Variants in CCDC171 observed in about 807,000 individuals in gnomAD.
CCDC171 encodes the protein coiled-coil domain-containing protein 171.
CCDC171 carries 177 observed loss-of-function variants against 168.2 expected under a neutral mutation model. The observed-to-expected ratio is 1.05, with a 90% CI of 0.93 to 1.19. The LOEUF is 1.19. Ranked by LOEUF, CCDC171 falls within the 50% of genes most tolerant of loss-of-function variation. The probability of loss-of-function intolerance (pLI) is 0.00; values close to 1 mark genes in which losing one functional copy is unlikely to be tolerated. For missense variants in CCDC171, 1,991 were observed against 1,539.0 expected, an observed-to-expected ratio of 1.29 and a Z score of -4.91; for synonymous variants, 687 against 540.8, an observed-to-expected ratio of 1.27 and a Z score of -3.75.
chr9:16,001,626 C>CA (rs1449308507), intron 3 of CCDC171, among the ~76,000 whole-genome samples: 2 of 151,978 alleles, frequency 1.3e-5, no homozygotes, highest in African/African-American at 4.8e-5. Context: ...ATGGTGGTCC[C>CA]ATAAGATTAT....
the CCDC171 span, among the ~76,000 whole-genome samples, chr9:16,088,119 A>G: frequency 6.6e-6 from 1 of 152,210 alleles, no homozygotes; most frequent in African/African-American, 2.4e-5. Context: ...CAATGACAAA[A>G]ACCACATGAT....
chr9:15,922,258 C>T (rs1825428065), intron 25 of CCDC171: 1 of 256,136 alleles, frequency 3.9e-6, no homozygotes, highest in African/African-American at 2.2e-5. Context: ...TGTGTGCTCT[C>T]CTGTCTTTTC....
intron 25 of CCDC171, among the ~76,000 whole-genome samples, chr9:15,934,728 A>G (rs1826917275): frequency 1.3e-5 from 2 of 152,210 alleles, no homozygotes; most frequent in Admixed American, 1.3e-4. Context: ...AGCACTATTT[A>G]CAAAGCCAAA....
At chr9:15,698,234 C>T (rs886225427) in intron 11 of CCDC171, among the ~76,000 whole-genome samples, 3 of 152,080 alleles carry the variant, frequency 2.0e-5, no homozygotes, top group East Asian at 3.9e-4. Context: ...TGAGTAAGAA[C>T]ATAAGGGCCA....
chr9:16,033,793 G>C (rs1281042517), intron 6 of CCDC171, among the ~76,000 whole-genome samples: 2 of 151,292 alleles, frequency 1.3e-5, no homozygotes, highest in African/African-American at 4.9e-5. Flanking sequence ...TAGTCTTCCT[G>C]AGAAAGAGGA....
intron 24 of CCDC171, among the ~76,000 whole-genome samples, chr9:15,905,411 C>T (rs1822415724): frequency 1.3e-5 from 2 of 152,156 alleles, no homozygotes; most frequent in South Asian, 2.1e-4. Flanking sequence ...ACAACCTGCT[C>T]CTGAATGACT....
intron 24 of CCDC171, among the ~76,000 whole-genome samples, chr9:15,913,469 C>T (rs1418355489): frequency 1.3e-5 from 2 of 152,010 alleles, no homozygotes; most frequent in Non-Finnish European, 2.9e-5. Context: ...TTAATCTTTA[C>T]AAAAAAACAG....
chr9:15,810,737 C>G (rs895886812), intron 21 of CCDC171, among the ~76,000 whole-genome samples: 1 of 152,206 alleles, frequency 6.6e-6, no homozygotes, highest in Non-Finnish European at 1.5e-5. Context: ...GGAACTCGCG[C>G]TGCCCTGTGA....
intron 1 of CCDC171, among the ~76,000 whole-genome samples, chr9:15,560,364 C>G (rs551263112): frequency 2.0e-5 from 3 of 152,294 alleles, no homozygotes; most frequent in African/African-American, 7.2e-5. Flanking sequence ...TCAGGTACAC[C>G]AATCAGACGT....
At chr9:15,991,290 C>G (rs1564105723) in intron 3 of CCDC171, among the ~76,000 whole-genome samples, 1 of 152,092 alleles carries the variant, frequency 6.6e-6, no homozygotes, top group East Asian at 1.9e-4. Flanking sequence ...CCAAACCGCT[C>G]AACTACATGG....
Position 15,778,993 on chromosome 9 carries a change from A to C in CCDC171, c.2924A>C (p.Gln975Pro). Reference protein sequence around the residue: ...ITKSTASLQKQILGFTQRLHA... With the variant: ...ITKSTASLQKPILGFTQRLHA... ...AAAAGCACAGCATCGTTGCAGAAGC[A>C]AATACTTGGATTTACACAAAGACTG... is the stretch of plus-strand genomic sequence containing the variant. Residue 975 changes from glutamine (Q) to proline (P), a missense_variant, in exon 20 of 26, where the codon CAA becomes CCA. Gln to Pro is a moderately conservative substitution (Grantham distance 76, BLOSUM62 -1). Transcript: ENST00000380701. 6.5e-7 allele frequency: 1 copy of C among 1,541,062 alleles called. No homozygotes were observed. The highest frequency in any genetic ancestry group is 8.7e-7 in the Non-Finnish European group (1 of 1,146,390).
chr9:15,751,005 T>G (rs574149368), intron 18 of CCDC171, among the ~76,000 whole-genome samples: 1 of 152,332 alleles, frequency 6.6e-6, no homozygotes, highest in African/African-American at 2.4e-5. Flanking sequence ...GCAGGTGAGA[T>G]GATTGTATAT....
chr9:15,833,755 G>A (rs888841744), intron 21 of CCDC171, among the ~76,000 whole-genome samples: 3 of 151,980 alleles, frequency 2.0e-5, no homozygotes, highest in African/African-American at 7.2e-5. Context: ...CTTGCCACTT[G>A]GCTAAATAAT....
intron 21 of CCDC171, 51 bp from the exon 22 acceptor site, chr9:15,846,651 G>C: frequency 6.3e-7 from 1 of 1,578,134 alleles, no homozygotes; most frequent in South Asian, 1.1e-5. Flanking sequence ...GGCATAAATT[G>C]AAGTTAATTA....
intron 3 of CCDC171, among the ~76,000 whole-genome samples, chr9:16,011,449 T>C (rs559150163): frequency 6.6e-6 from 1 of 152,304 alleles, no homozygotes; most frequent in Admixed American, 6.5e-5. Flanking sequence ...GAGATGAAGT[T>C]TTAATAATCC....
At chr9:15,554,356 C>T (rs1169729307) in intron 1 of CCDC171, among the ~76,000 whole-genome samples, 1 of 152,174 alleles carries the variant, frequency 6.6e-6, no homozygotes. Context: ...TTCCTACTCT[C>T]AACAAAACAG....
chr9:16,051,425 C>G (rs151187521), intron 1 of CCDC171, among the ~76,000 whole-genome samples: 1 of 152,284 alleles, frequency 6.6e-6, no homozygotes, highest in East Asian at 1.9e-4. Context: ...CCCTCATCCT[C>G]TGGTCACCAA....
chr9:15,870,792 CT>C (rs59845671), intron 23 of CCDC171, among the ~76,000 whole-genome samples: 9 of 147,604 alleles, frequency 6.1e-5, no homozygotes, highest in South Asian at 2.1e-4. Flanking sequence ...GCAGAAATAG[CT>C]TTTTTTTTTG....
At chr9:16,054,150 C>T (rs182008276) in intron 1 of CCDC171, among the ~76,000 whole-genome samples, 7 of 152,242 alleles carry the variant, frequency 4.6e-5, no homozygotes, top group Admixed American at 2.0e-4. Context: ...CTCTGGGGTC[C>T]GGGCTTTGTA....
Sources: allele counts gnomAD v4.1 joint callset (sites outside exome capture counted in the v4.1 genomes callset), GRCh38; gene constraint gnomAD v4.1.1; transcripts MANE v1.5; gene names NCBI Gene and HGNC (gene_info 2026-07-23, HGNC 2026-07-21).